The following IQCF1 variants were observed in gnomAD, a reference collection of about 807,000 sequenced individuals.
The protein encoded by IQCF1 is IQ motif containing F1.
A neutral mutation model predicts 12.5 loss-of-function variants in IQCF1; 9 were observed. That is an observed-to-expected ratio of 0.72 (90% CI 0.43 to 1.26). IQCF1 has a LOEUF of 1.26. Ranked by LOEUF, IQCF1 falls within the 50% of genes most tolerant of loss-of-function variation. The pLI, the probability that IQCF1 is intolerant of heterozygous loss-of-function variation, is 0.00. For missense variants in IQCF1, 252 were observed against 257.4 expected (o/e 0.98, Z 0.14); for synonymous variants, 67 against 96.2 (o/e 0.70, Z 1.78).
In IQCF1 at chr3:51,895,010, C is replaced by T; in HGVS notation, c.498G>A (p.Arg166=). The T allele has an allele frequency of 6.2e-6, 10 of 1,614,232 alleles. No individual in the cohort carries two copies. The highest frequency in any genetic ancestry group is 8.5e-6 in the Non-Finnish European group (10 of 1,180,046). Reference sequence around the variant, plus strand: ...CTCTGTACTGGCCCTTGATGAACCCCCGGGAAGCACAGGAGCGGCACCTCC... The same window carrying T: ...CTCTGTACTGGCCCTTGATGAACCCTCGGGAAGCACAGGAGCGGCACCTCC... ...AYWRCRSCAS[R]GFIKGQYRVT... The change falls in exon 4 of 4, where the codon CGG becomes CGA. Residue 166 remains arginine (R), a synonymous_variant. Transcript: ENST00000310914. The surrounding 1 kb of genome is among the most constrained non-coding windows in gnomAD (Gnocchi z 4.8).
At chr3:51,898,211 A>T (rs1699034242) in intron 2 of IQCF1, among the ~76,000 whole-genome samples, 2 of 151,162 alleles carry the variant, frequency 1.3e-5, no homozygotes, top group African/African-American at 4.9e-5. Context: ...AGAGAGAAAC[A>T]CAGTCAAAGA....
chr3:51,898,257 AG>A (rs1699035249), intron 2 of IQCF1, among the ~76,000 whole-genome samples: 1 of 138 alleles, frequency 7.2e-3, no homozygotes, highest in Non-Finnish European at 0.015. Flanking sequence ...AGAGGGAGTC[AG>A]AGAGAGAGAG....
At chr3:51,901,454 G>T (rs1577637537) in intron 2 of IQCF1, among the ~76,000 whole-genome samples, 2 of 152,218 alleles carry the variant, frequency 1.3e-5, no homozygotes, top group African/African-American at 4.8e-5. Flanking sequence ...ATTTTCAAGA[G>T]CTTATCAATC....
chr3:51,895,906 C>T lies in IQCF1; in HGVS notation c.172-570G>A, dbSNP rs1698997754. Among the ~76,000 whole-genome samples the T allele has an allele frequency of 6.6e-6, 1 of 152,118 alleles. No individual in the cohort carries two copies. The highest frequency in any genetic ancestry group is 1.5e-5 in the Non-Finnish European group (1 of 68,030). ...TTCTCATCAGATGGGTTTTATTTAACCCTATATATTGTGACTGATTTTCAA... is the reference window on the plus strand; with the variant it reads ...TTCTCATCAGATGGGTTTTATTTAATCCTATATATTGTGACTGATTTTCAA... On this transcript the variant is annotated intron_variant, in intron 3 of 3. Coordinates refer to ENST00000310914, the MANE Select transcript of IQCF1 (RefSeq NM_152397.3). The surrounding 1 kb of genome is among the most constrained non-coding windows in gnomAD (Gnocchi z 4.8).
At chr3:51,898,326 G>A (rs949202355) in intron 2 of IQCF1, among the ~76,000 whole-genome samples, 5 of 152,096 alleles carry the variant, frequency 3.3e-5, no homozygotes, top group African/African-American at 1.2e-4. Flanking sequence ...TAAAAGTCAG[G>A]GTAAATTTAA....
At chr3:51,898,865 A>C (rs917617607) in intron 2 of IQCF1, among the ~76,000 whole-genome samples, 1 of 152,228 alleles carries the variant, frequency 6.6e-6, no homozygotes, top group African/African-American at 2.4e-5. Context: ...GTATTCAGTA[A>C]GTGATAAGGA....
At chr3:51,899,502 A>G (rs1699051021) in intron 2 of IQCF1, among the ~76,000 whole-genome samples, 1 of 152,252 alleles carries the variant, frequency 6.6e-6, no homozygotes, top group African/African-American at 2.4e-5. Flanking sequence ...ATAAGGAGGC[A>G]TAAGAATGTG....
intron 2 of IQCF1, among the ~76,000 whole-genome samples, chr3:51,897,721 G>A (rs1699026205): frequency 3.3e-5 from 5 of 152,212 alleles, no homozygotes; most frequent in Admixed American, 3.3e-4. Flanking sequence ...AAATTCTGGA[G>A]GGCTAAATGT....
chr3:51,895,041 G>T lies in IQCF1; in HGVS notation c.467C>A (p.Ala156Asp), dbSNP rs748753306. ...QVLNAVRIIQ[A>D]YWRCRSCASR... ...AGCACAGGAGCGGCACCTCCAGTAA[G>T]CCTGGATGATGCGAACAGCATTGAG... The change falls in exon 4 of 4, where the codon GCT becomes GAT. Residue 156 changes from alanine to aspartate, a missense_variant. Ala to Asp is a moderately radical substitution (Grantham distance 126). Coordinates refer to ENST00000310914, the MANE Select transcript of IQCF1 (RefSeq NM_152397.3). This position sits in a 1 kb window ranked among gnomAD's most constrained non-coding sequence, Gnocchi z 4.8. 7.4e-6 allele frequency: 12 copies of T among 1,614,144 alleles called. No individual in the cohort carries two copies. In the South Asian group the frequency reaches 1.3e-4, roughly 18 times the overall value.
intron 2 of IQCF1, 77 bp from the exon 3 acceptor site, chr3:51,896,971 T>C (rs1486559752): frequency 8.8e-7 from 1 of 1,132,478 alleles, no homozygotes; most frequent in East Asian, 2.3e-5. Flanking sequence ...CTGTTAGATA[T>C]GAGTTCTAAA....
In IQCF1 at chr3:51,902,996, A is replaced by G. The variant is rs780351145; in HGVS notation, c.97T>C (p.Ser33Pro). 1 of 1,613,526 alleles carries G rather than the reference A, an allele frequency of 6.2e-7. No individual in the cohort carries two copies. Residue 33 changes from serine to proline, a missense_variant, in exon 2 of 4, where the codon TCA (serine) becomes CCA (proline). Ser to Pro is a moderately conservative substitution (Grantham distance 74). Coordinates refer to ENST00000310914, the MANE Select transcript of IQCF1 (RefSeq NM_152397.3). ...AGGGCTCCTCCTACCTCTGCCTTTG[A>G]CTCTGCTCCTAAGGACAAATGGGTT... ...MPTHLSLGAE[S>P]KAEAKTPVLV... is the part of the protein sequence containing the mutation.
intron 2 of IQCF1, among the ~76,000 whole-genome samples, chr3:51,897,808 G>A (rs1291029132): frequency 6.6e-6 from 1 of 152,190 alleles, no homozygotes; most frequent in Non-Finnish European, 1.5e-5. Context: ...CTGCTCGACG[G>A]AGTGAGTGGG....
chr3:51,898,970 G>A (rs1699045252), intron 2 of IQCF1, among the ~76,000 whole-genome samples: 1 of 152,224 alleles, frequency 6.6e-6, no homozygotes, highest in Non-Finnish European at 1.5e-5. Flanking sequence ...TCAGGAAGGA[G>A]CCGTCTATAC....
intron 2 of IQCF1, among the ~76,000 whole-genome samples, chr3:51,901,429 G>T (rs1176935754): frequency 6.6e-6 from 1 of 152,214 alleles, no homozygotes; most frequent in African/African-American, 2.4e-5. Flanking sequence ...CTGAACGGAT[G>T]CAGTGAGCTT....
In IQCF1 at chr3:51,895,527, G is replaced by A. The variant is rs1698993187; in HGVS notation, c.172-191C>T. Among the ~76,000 whole-genome samples the A allele has an allele frequency of 6.6e-6, 1 of 152,190 alleles. No individual in the cohort carries two copies. The stretch of plus-strand genomic sequence containing the variant: ...TGCCTCTGCCATCCTCTGGTTGATA[G>A]CCACAAGCACAACAACTTGCCCCTG... On this transcript the variant is annotated intron_variant, in intron 3 of 3. Coordinates refer to ENST00000310914, the MANE Select transcript of IQCF1 (RefSeq NM_152397.3). The surrounding 1 kb of genome is among the most constrained non-coding windows in gnomAD (Gnocchi z 4.8).
At chr3:51,896,624 A>G (rs540677828) in intron 3 of IQCF1, among the ~76,000 whole-genome samples, 2 of 151,964 alleles carry the variant, frequency 1.3e-5, no homozygotes, top group East Asian at 3.9e-4. Context: ...CCCTATCATC[A>G]TTTTTCTTAA....
rs773698831 is a variant in IQCF1, at chr3:51,896,893, G to C, written c.110C>G (p.Ala37Gly). Residue 37 changes from alanine (A) to glycine (G), a missense_variant and splice_region_variant, in exon 3 of 4, where the codon GCT becomes GGT. Physicochemically the swap from Ala to Gly is moderately conservative, Grantham distance 60. Coordinates refer to ENST00000310914, the MANE Select transcript of IQCF1 (RefSeq NM_152397.3). ...TGTCTCAACCAGAACTGGAGTTTTA[G>C]CCTGAAAAGGAAATGGGGAAAGAGA... is the stretch of plus-strand genomic sequence containing the variant. ...LSLGAESKAE[A>G]KTPVLVETQT... 4 of 1,611,452 alleles carry C rather than the reference G, an allele frequency of 2.5e-6. No individual in the cohort carries two copies. The highest frequency in any genetic ancestry group is 1.6e-4 in the Middle Eastern group (1 of 6,062).
intron 2 of IQCF1, among the ~76,000 whole-genome samples, chr3:51,902,116 G>T (rs1699081505): frequency 6.6e-6 from 1 of 152,162 alleles, no homozygotes; most frequent in South Asian, 2.1e-4. Context: ...AAATGGAAAA[G>T]AATTATAGCC....
intron 2 of IQCF1, among the ~76,000 whole-genome samples, chr3:51,899,646 T>C (rs1460980176): frequency 6.6e-6 from 1 of 152,260 alleles, no homozygotes; most frequent in Non-Finnish European, 1.5e-5. Context: ...ATCCAGTTTT[T>C]CTGTGAACTG....
Sources: allele counts gnomAD v4.1 joint callset (sites outside exome capture counted in the v4.1 genomes callset), GRCh38; gene constraint gnomAD v4.1.1; non-coding constraint Gnocchi (gnomAD v3.1); transcripts MANE v1.5; gene names NCBI Gene and HGNC (gene_info 2026-07-23, HGNC 2026-07-21).